The following TCEA3 variants were observed in gnomAD, a reference collection of about 807,000 sequenced individuals.
The protein encoded by TCEA3 is transcription elongation factor A3.
In TCEA3, 36 loss-of-function variants were observed where a neutral mutation model predicts 44.0. The ratio of observed to expected loss-of-function variants is 0.82; its 90% CI spans 0.63 to 1.08. The LOEUF is 1.08. TCEA3 is among the 50% of genes least tolerant of loss of function. TCEA3 has a pLI of 0.00. For synonymous variants in TCEA3, 162 were observed against 159.7 expected, an observed-to-expected ratio of 1.01 and a Z score of -0.11; for missense variants, 392 against 441.2, an observed-to-expected ratio of 0.89 and a Z score of 1.00.
intron 5 of TCEA3, among the ~76,000 whole-genome samples, chr1:23,400,479 G>C (rs1639367247): frequency 6.6e-6 from 1 of 151,010 alleles, no homozygotes; most frequent in Non-Finnish European, 1.5e-5. Context: ...AATGTGCTGA[G>C]ATTACAGGCA....
At chr1:23,414,401 T>C (rs1639828426) in intron 4 of TCEA3, among the ~76,000 whole-genome samples, 1 of 151,588 alleles carries the variant, frequency 6.6e-6, no homozygotes, top group South Asian at 2.1e-4. Context: ...TTATCTTTTG[T>C]TTTGTTTTGT....
intron 5 of TCEA3, among the ~76,000 whole-genome samples, chr1:23,398,628 T>C (rs1265095360): frequency 6.6e-6 from 1 of 152,210 alleles, no homozygotes; most frequent in Non-Finnish European, 1.5e-5. Context: ...CCAGGAGGTA[T>C]ACTCTCATCA....
At chr1:23,419,187 C>T (rs1220471029) in intron 1 of TCEA3, 48 bp from the exon 2 acceptor site, 2 of 1,432,748 alleles carry the variant, frequency 1.4e-6, no homozygotes, top group East Asian at 2.4e-5. Context: ...CCTGACCAGG[C>T]TTCTCTGACT....
intron 4 of TCEA3, among the ~76,000 whole-genome samples, chr1:23,415,014 CTTTTTTTTTT>C (rs59946326): frequency 2.3e-5 from 1 of 43,116 alleles, no homozygotes; most frequent in Non-Finnish European, 4.3e-5. Context: ...CTTTACTGTT[CTTTTTTTTTT>C]TTTTTTTTTT....
At chr1:23,419,347 C>T (rs1639989173) in intron 1 of TCEA3, 1 of 390,858 alleles carries the variant, frequency 2.6e-6, no homozygotes, top group South Asian at 1.2e-4. Flanking sequence ...GGGTTCAAAC[C>T]CTCTGAGCCA....
intron 8 of TCEA3, among the ~76,000 whole-genome samples, chr1:23,392,452 A>ACCACG (rs1639073576): frequency 7.4e-6 from 1 of 136,012 alleles, no homozygotes; most frequent in Non-Finnish European, 1.5e-5. Context: ...CACAATACAC[A>ACCACG]CACACTCCAC....
At chr1:23,418,123 C>T in intron 2 of TCEA3, 114 bp from the exon 3 acceptor site, 5 of 1,024,188 alleles carry the variant, frequency 4.9e-6, no homozygotes, top group South Asian at 4.4e-5. Flanking sequence ...ACCTGGACCC[C>T]CAGAGTCCTA....
chr1:23,393,454 A>T (rs1326273019), intron 8 of TCEA3, among the ~76,000 whole-genome samples: 2 of 152,006 alleles, frequency 1.3e-5, no homozygotes, highest in East Asian at 1.9e-4. Flanking sequence ...CTCACACATC[A>T]TACGTACCAC....
intron 2 of TCEA3, chr1:23,418,407 G>A (rs1387705420): frequency 1.1e-5 from 2 of 189,088 alleles, no homozygotes; most frequent in East Asian, 2.6e-4. Context: ...CACCTCCCAG[G>A]TTCAAGCGAT....
chr1:23,405,505 A>C (rs1435113100), intron 5 of TCEA3, among the ~76,000 whole-genome samples: 1 of 152,118 alleles, frequency 6.6e-6, no homozygotes, highest in Non-Finnish European at 1.5e-5. Flanking sequence ...CTGAGGCAGG[A>C]GAATCACTTG....
chr1:23,422,576 A>C, intron 1 of TCEA3, among the ~76,000 whole-genome samples: 1 of 151,248 alleles, frequency 6.6e-6, no homozygotes. Context: ...GTCCACTTTC[A>C]CTCCCAGAGC....
At chr1:23,405,084 G>T (rs1217624324) in intron 5 of TCEA3, among the ~76,000 whole-genome samples, 1 of 152,156 alleles carries the variant, frequency 6.6e-6, no homozygotes, top group Non-Finnish European at 1.5e-5. Context: ...GTGGGGTAGT[G>T]GCTGCCCCCT....
At chr1:23,384,270 G>A in intron 10 of TCEA3, 76 bp downstream of exon 10, 1 of 1,611,048 alleles carries the variant, frequency 6.2e-7, no homozygotes, top group Non-Finnish European at 8.5e-7. Context: ...CCCCTTCTGG[G>A]TTGTGGGTAC....
rs879674805 is a variant in TCEA3 at position 23,422,290 on chromosome 1, G to A, written c.69+2275C>T. 1.3e-4 allele frequency among the ~76,000 whole-genome samples: 20 copies of A among 152,196 alleles called. 1 individual carries two copies. The highest frequency in any genetic ancestry group is 6.5e-4 in the Admixed American group (10 of 15,276). On this transcript the variant is annotated intron_variant, in intron 1 of 10. Coordinates refer to ENST00000450454, the MANE Select transcript of TCEA3 (RefSeq NM_003196.3). ...CAGTATGCTTGTCATGTTGGTGTCA[G>A]TAGCCGTGTCTCATACGCAGTTAGG...
chr1:23,383,093 C>T (rs554826746), intron 10 of TCEA3, among the ~76,000 whole-genome samples: 2 of 152,190 alleles, frequency 1.3e-5, no homozygotes, highest in South Asian at 2.1e-4. Flanking sequence ...TCCTGGCTAA[C>T]ACGGTGAAAC....
intron 3 of TCEA3, 113 bp downstream of exon 3, chr1:23,417,791 A>C: frequency 2.1e-6 from 2 of 956,042 alleles, no homozygotes; most frequent in Non-Finnish European, 3.2e-6. Flanking sequence ...GCCATCTGTC[A>C]CTGATTAAGT....
intron 7 of TCEA3, among the ~76,000 whole-genome samples, chr1:23,396,563 C>G (rs1273102755): frequency 6.6e-6 from 1 of 152,146 alleles, no homozygotes; most frequent in Non-Finnish European, 1.5e-5. Flanking sequence ...AGTCTCCAGT[C>G]CCGCTTTGAC....
At chr1:23,396,220 C>A (rs1021930158) in intron 7 of TCEA3, among the ~76,000 whole-genome samples, 2 of 152,056 alleles carry the variant, frequency 1.3e-5, no homozygotes, top group South Asian at 2.1e-4. Context: ...CTCAACAGAC[C>A]CTGCTGAACT....
chr1:23,391,216 G>A (rs927249107), intron 8 of TCEA3, among the ~76,000 whole-genome samples: 9 of 144,322 alleles, frequency 6.2e-5, no homozygotes, highest in African/African-American at 2.1e-4. Flanking sequence ...GGGTTCAAGC[G>A]ATTCTCCTGC....
Sources: allele counts gnomAD v4.1 joint callset (sites outside exome capture counted in the v4.1 genomes callset), GRCh38; gene constraint gnomAD v4.1.1; transcripts MANE v1.5; gene names NCBI Gene and HGNC (gene_info 2026-07-23, HGNC 2026-07-21).